IMMP2L: variants seen among roughly 807,000 people sequenced by gnomAD.
IMMP2L encodes the protein mitochondrial inner membrane protease subunit 2.
IMMP2L carries 18 observed loss-of-function variants against 19.3 expected under a neutral mutation model. The observed-to-expected ratio is 0.93, with a 90% CI of 0.64 to 1.38. The LOEUF is 1.38. Ranked by LOEUF, IMMP2L falls within the 40% of genes most tolerant of loss-of-function variation. The probability of loss-of-function intolerance (pLI) is 0.00; values close to 1 mark genes in which losing one functional copy is unlikely to be tolerated. For missense variants in IMMP2L, 233 were observed against 218.2 expected (o/e 1.07, Z -0.43); for synonymous variants, 76 against 73.0 (o/e 1.04, Z -0.21).
rs143270763 is a variant in IMMP2L at position 111,333,412 on chromosome 7, C to G, written c.239+153826G>C. ...GGGGATTTGTGCATTCCTGGTTGTA[C>G]GAAGGATAGTTTTATTATGTTAGGC... is the stretch of plus-strand genomic sequence containing the variant. On this transcript the variant is annotated intron_variant, in intron 3 of 5. Transcript: ENST00000405709. 8.8e-3 allele frequency among the ~76,000 whole-genome samples: 1,334 copies of G among 151,938 alleles called. 9 individuals are homozygous for G. Among genetic ancestry groups the G allele is most frequent in the Middle Eastern group, 0.02 (6 of 294 alleles).
chr7:111,185,696 C>G (rs1182002984), intron 3 of IMMP2L, among the ~76,000 whole-genome samples: 1 of 152,122 alleles, frequency 6.6e-6, no homozygotes, highest in African/African-American at 2.4e-5. Context: ...GAGATTAGAG[C>G]AAACTATCTG....
intron 3 of IMMP2L, among the ~76,000 whole-genome samples, chr7:111,342,626 C>T (rs1180606549): frequency 6.6e-6 from 1 of 151,914 alleles, no homozygotes; most frequent in Non-Finnish European, 1.5e-5. Flanking sequence ...CAATTTTACA[C>T]TGGTAATAAA....
intron 3 of IMMP2L, among the ~76,000 whole-genome samples, chr7:111,309,208 C>CAATTTTTTCAACA (rs1213202903): frequency 2.0e-5 from 3 of 152,052 alleles, no homozygotes; most frequent in Non-Finnish European, 4.4e-5. Context: ...TCATTATTTG[C>CAATTTTTTCAACA]AGTTTTATTT....
chr7:111,182,972 G>A (rs111834958), intron 3 of IMMP2L, among the ~76,000 whole-genome samples: 2,228 of 152,032 alleles, frequency 0.015, 78 homozygotes, highest in African/African-American at 0.052. Context: ...TTAAATTGGT[G>A]CCTTGCTAGA....
chr7:110,693,674 G>A (rs959042245), intron 5 of IMMP2L, among the ~76,000 whole-genome samples: 7 of 152,076 alleles, frequency 4.6e-5, no homozygotes, highest in African/African-American at 1.4e-4. Context: ...TTTCCTAGAG[G>A]GAACAGGAAA....
chr7:110,910,232 A>C (rs1355558117), intron 4 of IMMP2L, among the ~76,000 whole-genome samples: 1 of 152,172 alleles, frequency 6.6e-6, no homozygotes, highest in African/African-American at 2.4e-5. Flanking sequence ...AGCAGTGATA[A>C]AAGTAAAATT....
intron 5 of IMMP2L, among the ~76,000 whole-genome samples, chr7:110,720,726 AT>A (rs1311384118): frequency 6.6e-6 from 1 of 152,168 alleles, no homozygotes; most frequent in African/African-American, 2.4e-5. Flanking sequence ...GAGACTCAGT[AT>A]TCTATGTCGA....
intron 3 of IMMP2L, among the ~76,000 whole-genome samples, chr7:111,086,061 C>G (rs529055085): frequency 3.6e-4 from 55 of 152,028 alleles, no homozygotes; most frequent in African/African-American, 1.3e-3. Flanking sequence ...CACAAAACCC[C>G]GCCCCATGCC....
intron 3 of IMMP2L, among the ~76,000 whole-genome samples, chr7:111,232,808 C>A (rs1337845161): frequency 6.6e-6 from 1 of 151,990 alleles, no homozygotes; most frequent in African/African-American, 2.4e-5. Flanking sequence ...CTACCTTTAC[C>A]TCCCCACCTA....
Position 111,280,755 on chromosome 7 carries a change from T to C in IMMP2L, c.239+206483A>G, listed in dbSNP as rs181334400. On this transcript the variant is annotated intron_variant, in intron 3 of 5. Coordinates refer to ENST00000405709, the MANE Select transcript of IMMP2L (RefSeq NM_032549.4). ...GTTTAAAGGCTTGGATAAGAACTGA[T>C]TGAGTAAGAACAACAAAGAAAGGAG... 7.3e-4 allele frequency among the ~76,000 whole-genome samples: 111 copies of C among 152,030 alleles called. 1 individual carries two copies. Among genetic ancestry groups the C allele is most frequent in the East Asian group, 3.1e-3 (16 of 5,164 alleles).
chr7:111,137,741 A>G (rs1802485283), intron 3 of IMMP2L, among the ~76,000 whole-genome samples: 1 of 152,226 alleles, frequency 6.6e-6, no homozygotes, highest in African/African-American at 2.4e-5. Flanking sequence ...GATTTTTATG[A>G]GAACTTTAAT....
chr7:110,820,670 A>T (rs1404049396), intron 5 of IMMP2L, among the ~76,000 whole-genome samples: 1 of 152,044 alleles, frequency 6.6e-6, no homozygotes, highest in Non-Finnish European at 1.5e-5. Flanking sequence ...TTATCAATAA[A>T]GGAGAATATC....
intron 3 of IMMP2L, among the ~76,000 whole-genome samples, chr7:111,445,757 G>A (rs564960062): frequency 2.1e-4 from 32 of 152,302 alleles, no homozygotes; most frequent in African/African-American, 7.2e-4. Flanking sequence ...CGTGAGTGAC[G>A]CAGAAGACGG....
At chr7:111,039,427 A>C (rs1791667640) in intron 3 of IMMP2L, among the ~76,000 whole-genome samples, 1 of 152,228 alleles carries the variant, frequency 6.6e-6, no homozygotes, top group Non-Finnish European at 1.5e-5. Context: ...TAACATAAAT[A>C]TTACACTTAT....
intron 5 of IMMP2L, among the ~76,000 whole-genome samples, chr7:110,810,980 T>C (rs1256557220): frequency 1.3e-5 from 2 of 151,960 alleles, no homozygotes; most frequent in Admixed American, 1.3e-4. Flanking sequence ...CGTAGAACCC[T>C]GTGTACCTAC....
chr7:111,148,977 C>T (rs1481502722), intron 3 of IMMP2L, among the ~76,000 whole-genome samples: 1 of 152,006 alleles, frequency 6.6e-6, no homozygotes, highest in Non-Finnish European at 1.5e-5. Flanking sequence ...GCCAAGATCA[C>T]AGATAGAGTA....
intron 3 of IMMP2L, among the ~76,000 whole-genome samples, chr7:111,412,779 G>T (rs753425700): frequency 5.3e-5 from 8 of 151,466 alleles, no homozygotes; most frequent in Non-Finnish European, 1.5e-5. Flanking sequence ...GGATTCCCCA[G>T]ACAATTCCAA....
At chr7:110,915,005 A>T (rs1813445473) in intron 4 of IMMP2L, among the ~76,000 whole-genome samples, 1 of 151,788 alleles carries the variant, frequency 6.6e-6, no homozygotes, top group Non-Finnish European at 1.5e-5. Context: ...GTAAATTAGT[A>T]CTGGTATTAT....
chr7:111,378,840 A>C (rs932125229), intron 3 of IMMP2L, among the ~76,000 whole-genome samples: 1 of 151,882 alleles, frequency 6.6e-6, no homozygotes, highest in African/African-American at 2.4e-5. Context: ...ATTCAGATTA[A>C]TTCAAGCCAC....
Sources: allele counts gnomAD v4.1 joint callset (sites outside exome capture counted in the v4.1 genomes callset), GRCh38; gene constraint gnomAD v4.1.1; transcripts MANE v1.5; gene names NCBI Gene and HGNC (gene_info 2026-07-23, HGNC 2026-07-21).